Variants in PCDHGA3 observed in about 807,000 individuals in gnomAD.
The protein encoded by PCDHGA3 is protocadherin gamma subfamily A, 3.
A neutral mutation model predicts 58.5 loss-of-function variants in PCDHGA3; 40 were observed. The ratio of observed to expected loss-of-function variants is 0.68; its 90% CI spans 0.53 to 0.89. The LOEUF is 0.89. Among genes scored for constraint, PCDHGA3 ranks in the 40% least tolerant of loss-of-function variants. PCDHGA3 has a pLI of 0.00. For synonymous variants in PCDHGA3, 530 were observed against 525.7 expected, an observed-to-expected ratio of 1.01 and a Z score of -0.11; for missense variants, 1,223 against 1,195.9, an observed-to-expected ratio of 1.02 and a Z score of -0.33.
At chr5:141,414,740 G>A (rs776833780) in intron 1 of PCDHGA3, 1 of 1,614,208 alleles carries the variant, frequency 6.2e-7, no homozygotes, top group South Asian at 1.1e-5. Flanking sequence ...TATGCACTCA[G>A]ATCCTTCGAC....
chr5:141,400,314 CAA>C (rs1443669567), intron 1 of PCDHGA3: 1 of 1,613,960 alleles, frequency 6.2e-7, no homozygotes, highest in Non-Finnish European at 8.5e-7. Context: ...GTCTCTGTGT[CAA>C]GTCTGGACCT....
At chr5:141,457,175 A>C (rs1447297536) in intron 1 of PCDHGA3, among the ~76,000 whole-genome samples, 2 of 152,192 alleles carry the variant, frequency 1.3e-5, no homozygotes, top group Non-Finnish European at 2.9e-5. Flanking sequence ...ACCCTATTGC[A>C]AATAGTAGAG....
intron 1 of PCDHGA3, chr5:141,426,336 C>T (rs779025306): frequency 1.7e-4 from 31 of 187,682 alleles, no homozygotes; most frequent in Non-Finnish European, 2.8e-4. Context: ...GGCAAGCACT[C>T]TTCCCTTTCC....
rs564197257 is a variant in PCDHGA3, at chr5:141,458,715, A to G, written c.2425-36092A>G. On this transcript the variant is annotated intron_variant, in intron 1 of 3. Coordinates refer to ENST00000253812, the MANE Select transcript of PCDHGA3 (RefSeq NM_018916.4). ...CTCCCGAGTAGCTGGGATTACAGGT[A>G]TTCGCCACCACATCCAGCTATTGGT... Among the ~76,000 whole-genome samples the G allele has an allele frequency of 3.9e-5, 6 of 152,082 alleles. No homozygotes were observed. The East Asian group carries it at 9.7e-4, about 25-fold the overall frequency.
In PCDHGA3 at chr5:141,344,847, G is replaced by T; in HGVS notation, c.814G>T (p.Gly272Ter). The T allele has an allele frequency of 1.2e-6, 2 of 1,613,754 alleles. No individual in the cohort carries two copies. The highest frequency in any genetic ancestry group is 1.7e-6 in the Non-Finnish European group (2 of 1,179,868). ...GGTGAATGCCACTGACCCTGACGAG[G>T]GATTCAATGCTCAAGTGTCTTATAT... Reference protein sequence around the residue: ...LTVNATDPDEGFNAQVSYILD... With the variant: ...LTVNATDPDE Residue 272 changes from glycine (G) to a stop codon, truncating the protein, a stop_gained, in exon 1 of 4, where the codon GGA becomes TGA. Transcript: ENST00000253812. LOFTEE classifies it high-confidence loss of function.
rs564486909 is a variant in PCDHGA3, at chr5:141,428,072, G to C, written c.2425-66735G>C. ...AGGTGGTGGCGGTGGACGCAGATTC[G>C]GGACACAACGCTTGGCTGTCCTACC... is the stretch of plus-strand genomic sequence containing the variant. On this transcript the variant is annotated intron_variant, in intron 1 of 3. Transcript: ENST00000253812. 5 of 1,609,080 alleles carry C rather than the reference G, an allele frequency of 3.1e-6. 1 individual carries two copies. The South Asian group carries it at 5.5e-5, about 18-fold the overall frequency.
chr5:141,383,268 A>C (rs773903039), intron 1 of PCDHGA3: 1 of 1,613,816 alleles, frequency 6.2e-7, no homozygotes, highest in Non-Finnish European at 8.5e-7. Context: ...ACGTGGAAAT[A>C]ATAGATATTA....
intron 1 of PCDHGA3, chr5:141,382,918 G>T: frequency 2.6e-6 from 4 of 1,558,926 alleles, no homozygotes; most frequent in Non-Finnish European, 3.5e-6. Context: ...TCAGCCGAGG[G>T]GCGGGGACTA....
chr5:141,408,972 C>T, intron 1 of PCDHGA3: 8 of 1,613,870 alleles, frequency 5.0e-6, no homozygotes, highest in Non-Finnish European at 5.9e-6. Flanking sequence ...AATCTGCCCC[C>T]TGGGTCCCCT....
At chr5:141,365,346 A>C (rs2149875174) in intron 1 of PCDHGA3, 1 of 1,613,970 alleles carries the variant, frequency 6.2e-7, no homozygotes, top group East Asian at 2.2e-5. Flanking sequence ...ACAGTACAGG[A>C]CGTGAATGAC....
At chr5:141,472,411 C>T (rs747412647) in intron 1 of PCDHGA3, among the ~76,000 whole-genome samples, 9 of 151,918 alleles carry the variant, frequency 5.9e-5, no homozygotes, top group Admixed American at 3.3e-4. Flanking sequence ...CGTGGTGGCA[C>T]GCACCTGTAT....
At chr5:141,388,887 G>T (rs1445900617) in intron 1 of PCDHGA3, 1 of 1,613,988 alleles carries the variant, frequency 6.2e-7, no homozygotes, top group South Asian at 1.1e-5. Context: ...GGAGGTAGAA[G>T]TCATAGATGA....
intron 1 of PCDHGA3, chr5:141,384,690 T>C (rs368242169): frequency 4.7e-5 from 76 of 1,613,884 alleles, no homozygotes; most frequent in Non-Finnish European, 5.9e-5. Context: ...TGGACAAAGA[T>C]TCAGGCCAGA....
At chr5:141,420,237 C>A in intron 1 of PCDHGA3, 1 of 1,595,672 alleles carries the variant, frequency 6.3e-7, no homozygotes, top group Non-Finnish European at 8.6e-7. Context: ...AGCATTTTAA[C>A]TCCCAGCGTT....
chr5:141,380,273 G>A (rs1174536963), intron 1 of PCDHGA3, among the ~76,000 whole-genome samples: 1 of 152,076 alleles, frequency 6.6e-6, no homozygotes, highest in Admixed American at 6.6e-5. Context: ...AAATCTCAGA[G>A]GAGAAACATT....
intron 1 of PCDHGA3, chr5:141,385,782 T>G (rs1169105462): frequency 6.2e-6 from 1 of 160,564 alleles, no homozygotes; most frequent in Non-Finnish European, 1.3e-5. Context: ...TCCATGTACC[T>G]CAGCTTGGTG....
intron 1 of PCDHGA3, among the ~76,000 whole-genome samples, chr5:141,452,416 C>T (rs2098741061): frequency 6.6e-6 from 1 of 152,144 alleles, no homozygotes; most frequent in African/African-American, 2.4e-5. Context: ...GAGGTATGCT[C>T]ACTGCTAATG....
At chr5:141,395,423 C>A in intron 1 of PCDHGA3, 1 of 731,386 alleles carries the variant, frequency 1.4e-6, no homozygotes, top group Non-Finnish European at 2.1e-6. Context: ...GTTTCATTTG[C>A]TTTTAAACGA....
chr5:141,419,645 G>T, intron 1 of PCDHGA3: 1 of 1,612,478 alleles, frequency 6.2e-7, no homozygotes, highest in African/African-American at 1.3e-5. Context: ...GGCCGTGGAC[G>T]CGGACTCGGG....
Sources: allele counts gnomAD v4.1 joint callset (sites outside exome capture counted in the v4.1 genomes callset), GRCh38; gene constraint gnomAD v4.1.1; transcripts MANE v1.5; gene names NCBI Gene and HGNC (gene_info 2026-07-23, HGNC 2026-07-21).